SPPL3: variants seen among roughly 807,000 people sequenced by gnomAD.
The protein encoded by SPPL3 is signal peptide peptidase-like 3.
SPPL3 carries 5 observed loss-of-function variants against 42.4 expected under a neutral mutation model. The observed-to-expected ratio is 0.12, with a 90% CI of 0.06 to 0.25. SPPL3 has a LOEUF of 0.25. Ranked by LOEUF, SPPL3 falls within the 10% of genes least tolerant of loss-of-function variation. The pLI is 1.00. For synonymous variants in SPPL3, 195 were observed against 181.8 expected (o/e 1.07, Z -0.58); for missense variants, 235 against 489.0 (o/e 0.48, Z 4.90).
At chr12:120,841,863 A>T (rs145350356) in intron 1 of SPPL3, among the ~76,000 whole-genome samples, 2 of 152,352 alleles carry the variant, frequency 1.3e-5, no homozygotes, top group African/African-American at 4.8e-5. Context: ...AAAGCAAAAT[A>T]AGCATCAATA....
At chr12:120,803,604 A>G (rs1870397654) in intron 2 of SPPL3, among the ~76,000 whole-genome samples, 2 of 152,154 alleles carry the variant, frequency 1.3e-5, no homozygotes, top group African/African-American at 2.4e-5. Context: ...TAATTCTACT[A>G]TTGAAAGTGA....
At chr12:120,792,344 CTTTCT>C (rs1452825390) in intron 2 of SPPL3, among the ~76,000 whole-genome samples, 4 of 31,944 alleles carry the variant, frequency 1.3e-4, no homozygotes, top group African/African-American at 5.5e-4. Context: ...TTGCTCATTT[CTTTCT>C]TTTTTTTTGT....
At chr12:120,827,837 G>C (rs568203590) in intron 1 of SPPL3, among the ~76,000 whole-genome samples, 2 of 152,050 alleles carry the variant, frequency 1.3e-5, no homozygotes, top group African/African-American at 4.8e-5. Context: ...GCCCAGGCTG[G>C]AGTGCAGTGG....
At chr12:120,820,281 G>C (rs1036632363) in intron 1 of SPPL3, among the ~76,000 whole-genome samples, 1 of 150,622 alleles carries the variant, frequency 6.6e-6, no homozygotes, top group Non-Finnish European at 1.5e-5. Flanking sequence ...TGTTGAAATA[G>C]GACTTAATTT....
chr12:120,781,704 C>A (rs201060033), intron 6 of SPPL3, among the ~76,000 whole-genome samples: 10 of 151,366 alleles, frequency 6.6e-5, no homozygotes, highest in African/African-American at 2.2e-4. Flanking sequence ...CTCAGCCTCC[C>A]GAGTAGCTGG....
chr12:120,843,551 C>T (rs1001292579), intron 1 of SPPL3, among the ~76,000 whole-genome samples: 7 of 152,324 alleles, frequency 4.6e-5, no homozygotes, highest in African/African-American at 1.7e-4. Flanking sequence ...CCTGCTCAGT[C>T]ACATCTGCCA....
At chr12:120,884,764 T>C (rs146737821) in intron 1 of SPPL3, among the ~76,000 whole-genome samples, 2 of 151,428 alleles carry the variant, frequency 1.3e-5, no homozygotes, top group African/African-American at 4.8e-5. Context: ...TGGCTGGAGA[T>C]GTTTCAAAAT....
chr12:120,781,502 G>T (rs982719049), intron 6 of SPPL3, among the ~76,000 whole-genome samples: 1 of 144,466 alleles, frequency 6.9e-6, no homozygotes, highest in African/African-American at 2.6e-5. Flanking sequence ...ATATAATATA[G>T]AGCATAATAT....
At chr12:120,903,730 G>GCCCCCCCCCCC in intron 1 of SPPL3, 115 bp downstream of exon 1, 1 of 283,088 alleles carries the variant, frequency 3.5e-6, no homozygotes, top group Non-Finnish European at 6.7e-6. Context: ...ACCCCAACCC[G>GCCCCCCCCCCC]CGCCCCCCCC....
intron 1 of SPPL3, among the ~76,000 whole-genome samples, chr12:120,882,134 T>C (rs1178667984): frequency 1.3e-5 from 2 of 152,206 alleles, no homozygotes; most frequent in East Asian, 3.9e-4. Context: ...CTGTCTACCA[T>C]CTTCATGCTA....
intron 1 of SPPL3, among the ~76,000 whole-genome samples, chr12:120,861,515 T>C (rs1009857213): frequency 4.6e-5 from 7 of 152,186 alleles, no homozygotes; most frequent in Admixed American, 4.6e-4. Context: ...ACATTTCTGG[T>C]CATATTTTAA....
At chr12:120,801,513 G>C (rs1473427512) in intron 2 of SPPL3, among the ~76,000 whole-genome samples, 1 of 151,976 alleles carries the variant, frequency 6.6e-6, no homozygotes, top group East Asian at 1.9e-4. Flanking sequence ...CTATTTGTCA[G>C]TGGATTTTTC....
At chr12:120,897,539 C>T (rs367930511) in intron 1 of SPPL3, among the ~76,000 whole-genome samples, 39 of 152,082 alleles carry the variant, frequency 2.6e-4, no homozygotes, top group African/African-American at 8.9e-4. Flanking sequence ...CTAGCTAACA[C>T]GGTGAAACCC....
At position 120,903,832 on chromosome 12, in the gene SPPL3, G is replaced by A; in HGVS notation, c.23+13C>T. The stretch of plus-strand genomic sequence containing the variant: ...CCTTGCCGCCTCCCGGCCTCCCGGA[G>A]CCCCGCACTCACCACGAGTAGGTCT... On this transcript the variant is annotated intron_variant, in intron 1 of 10. Transcript: ENST00000353487. 2.0e-6 allele frequency: 3 copies of A among 1,476,462 alleles called. No individual in the cohort carries two copies. The highest frequency in any genetic ancestry group is 2.6e-5 in the South Asian group (2 of 77,734). The allele number at this position is 1,476,462 out of a possible 1,614,324, so 91.5% of individuals were successfully genotyped here.
At chr12:120,814,792 G>A (rs935127203) in intron 1 of SPPL3, among the ~76,000 whole-genome samples, 3 of 151,544 alleles carry the variant, frequency 2.0e-5, no homozygotes, top group African/African-American at 7.3e-5. Flanking sequence ...TACAATATAA[G>A]AACATTATTT....
At chr12:120,848,069 T>C (rs1872102814) in intron 1 of SPPL3, among the ~76,000 whole-genome samples, 1 of 152,210 alleles carries the variant, frequency 6.6e-6, no homozygotes, top group South Asian at 2.1e-4. Flanking sequence ...AAGGTGGTGG[T>C]GGTGCATGTG....
intron 1 of SPPL3, among the ~76,000 whole-genome samples, chr12:120,883,663 C>G (rs935852666): frequency 2.0e-5 from 3 of 151,932 alleles, no homozygotes; most frequent in African/African-American, 7.3e-5. Context: ...GAACATTATA[C>G]AGCACTGGAA....
At chr12:120,797,553 G>A (rs1018229069) in intron 2 of SPPL3, among the ~76,000 whole-genome samples, 1 of 152,024 alleles carries the variant, frequency 6.6e-6, no homozygotes, top group Non-Finnish European at 1.5e-5. Flanking sequence ...TTCAGTCTCT[G>A]TTTCTCTATC....
At chr12:120,898,704 T>C (rs1005899561) in intron 1 of SPPL3, among the ~76,000 whole-genome samples, 4 of 152,166 alleles carry the variant, frequency 2.6e-5, no homozygotes, top group Admixed American at 2.6e-4. Flanking sequence ...GTGGACAGAT[T>C]CAGTGTCAGA....
Sources: allele counts gnomAD v4.1 joint callset (sites outside exome capture counted in the v4.1 genomes callset), GRCh38; gene constraint gnomAD v4.1.1; transcripts MANE v1.5; gene names NCBI Gene and HGNC (gene_info 2026-07-23, HGNC 2026-07-21).